The following SMARCAD1 variants were observed in gnomAD, a reference collection of about 807,000 sequenced individuals.
SMARCAD1 encodes the protein SWI/SNF-related matrix-associated actin-dependent regulator of chromatin subfamily A containing DEAD/H box 1.
A neutral mutation model predicts 127.1 loss-of-function variants in SMARCAD1; 25 were observed. The ratio of observed to expected loss-of-function variants is 0.20; its 90% CI spans 0.14 to 0.27. SMARCAD1 has a LOEUF of 0.27. Among genes scored for constraint, SMARCAD1 ranks in the 10% least tolerant of loss-of-function variants. SMARCAD1 has a pLI of 1.00. For missense variants in SMARCAD1, 807 were observed against 1,206.0 expected, an observed-to-expected ratio of 0.67 and a Z score of 4.90; for synonymous variants, 400 against 396.9, an observed-to-expected ratio of 1.01 and a Z score of -0.09.
At chr4:94,248,800 G>A (rs909428186) in intron 6 of SMARCAD1, among the ~76,000 whole-genome samples, 1 of 152,268 alleles carries the variant, frequency 6.6e-6, no homozygotes. Flanking sequence ...TTGTGCAGAG[G>A]AGGTATCAGA....
At chr4:94,275,242 C>T (rs1344253598) in intron 14 of SMARCAD1, among the ~76,000 whole-genome samples, 2 of 151,942 alleles carry the variant, frequency 1.3e-5, no homozygotes, top group Admixed American at 6.6e-5. Context: ...CTCAGTTAAG[C>T]TTAAAGTAAA....
intron 2 of SMARCAD1, among the ~76,000 whole-genome samples, chr4:94,213,457 A>G (rs1215128813): frequency 6.6e-6 from 1 of 152,050 alleles, no homozygotes; most frequent in Non-Finnish European, 1.5e-5. Context: ...TATAGATGAA[A>G]CTGAAAAGAT....
chr4:94,278,755 T>C (rs1753630749), intron 18 of SMARCAD1, 22 bp downstream of exon 18: 1 of 1,609,428 alleles, frequency 6.2e-7, no homozygotes, highest in Non-Finnish European at 8.5e-7. Flanking sequence ...TTTTTACTCT[T>C]TTATGTGAAA....
Position 94,283,320 on chromosome 4 carries a change from G to T in SMARCAD1, c.2909+17G>T. ...CCAGACTAAGTAAGTGTTTTTAGTT[G>T]GAATGTATTTTTAATTCAGTGCCAC... On this transcript the variant is annotated intron_variant, in intron 22 of 23. Coordinates refer to ENST00000354268, the MANE Select transcript of SMARCAD1 (RefSeq NM_020159.5). 2 of 1,607,718 alleles carry T rather than the reference G, an allele frequency of 1.2e-6. No individual in the cohort carries two copies. Among genetic ancestry groups the T allele is most frequent in the Non-Finnish European group, 1.7e-6 (2 of 1,176,324 alleles).
intron 3 of SMARCAD1, among the ~76,000 whole-genome samples, chr4:94,228,758 C>T (rs187159138): frequency 6.6e-6 from 1 of 151,990 alleles, no homozygotes; most frequent in East Asian, 1.9e-4. Flanking sequence ...GTCCCTGGAC[C>T]ATATTTTCAG....
intron 9 of SMARCAD1, among the ~76,000 whole-genome samples, chr4:94,257,708 C>T (rs1245140983): frequency 6.6e-6 from 1 of 152,170 alleles, no homozygotes; most frequent in African/African-American, 2.4e-5. Flanking sequence ...TATATCCACC[C>T]TTTTCCCCAG....
chr4:94,210,946 AAAAAG>A (rs1158046486), intron 2 of SMARCAD1, among the ~76,000 whole-genome samples: 3 of 150,558 alleles, frequency 2.0e-5, no homozygotes, highest in African/African-American at 7.3e-5. Flanking sequence ...AAAAAAAAAA[AAAAAG>A]GTAAATGTCT....
At chr4:94,234,744 T>C (rs975028618) in intron 4 of SMARCAD1, among the ~76,000 whole-genome samples, 1 of 152,148 alleles carries the variant, frequency 6.6e-6, no homozygotes, top group Non-Finnish European at 1.5e-5. Flanking sequence ...TTAGTTGAAT[T>C]ATCTTAGGGG....
At chr4:94,273,860 T>C in intron 12 of SMARCAD1, 144 bp downstream of exon 12, 1 of 670,410 alleles carries the variant, frequency 1.5e-6, no homozygotes, top group Admixed American at 2.7e-5. Flanking sequence ...CTCTTTATAC[T>C]TTTCTCCTTT....
chr4:94,278,301 A>C (rs1753578704), intron 16 of SMARCAD1, 121 bp from the exon 17 acceptor site: 1 of 855,180 alleles, frequency 1.2e-6, no homozygotes, highest in African/African-American at 1.7e-5. Flanking sequence ...AGAATGAATC[A>C]AGTTTCTGCA....
chr4:94,227,213 G>T (rs1188221175), intron 3 of SMARCAD1, among the ~76,000 whole-genome samples: 1 of 152,072 alleles, frequency 6.6e-6, no homozygotes, highest in Non-Finnish European at 1.5e-5. Flanking sequence ...AAGTGGGAGG[G>T]ACATGATGCG....
chr4:94,252,835 T>G lies in SMARCAD1; in HGVS notation c.1109T>G (p.Leu370Arg), dbSNP rs1244303218. ...TCAGGTTCTGATGTCGGTAGTTCAC[T>G]AGATGAGGACTATAGTAGTGGTGAA... ...YDSGSDVGSS[L>R]DEDYSSGEEV... The change falls in exon 9 of 24, where the codon CTA becomes CGA. Residue 370 changes from leucine to arginine, a missense_variant. Physicochemically the swap from Leu to Arg is moderately radical, Grantham distance 102. Around this residue, in one of 8 missense-constraint regions of SMARCAD1, gnomAD observed 257 missense variants for 303.4 expected, o/e 0.85. Transcript: ENST00000354268. 6.2e-7 allele frequency: 1 copy of G among 1,613,980 alleles called. No homozygotes were observed. The highest frequency in any genetic ancestry group is 8.5e-7 in the Non-Finnish European group (1 of 1,179,978).
At position 94,275,798 on chromosome 4, in the gene SMARCAD1, T is replaced by TTTATTTTATTTTATTTTA. The variant is rs373829337; in HGVS notation, c.1809-539_1809-538insATTTTATTTTATTTTATT. Among the ~76,000 whole-genome samples the TTTATTTTATTTTATTTTA allele has an allele frequency of 1.6e-3, 120 of 74,118 alleles. 2 individuals carry two copies. Among genetic ancestry groups the TTTATTTTATTTTATTTTA allele is most frequent in the Admixed American group, 5.8e-3 (41 of 7,100 alleles). 48.6% of individuals were successfully genotyped at this position (74,118 alleles called of 152,430 possible). A position where few individuals can be genotyped will look rare whatever the true frequency, so the allele number is the denominator to read the frequency against. On this transcript the variant is annotated intron_variant, in intron 14 of 23. Coordinates refer to ENST00000354268, the MANE Select transcript of SMARCAD1 (RefSeq NM_020159.5). ...TCCGATTGTAACATTAACATTTTCT[T>TTTATTTTATTTTATTTTA]TTTTTTTTTTTTTTTTGAGACGGAG...
intron 21 of SMARCAD1, among the ~76,000 whole-genome samples, chr4:94,282,104 T>TTTG: frequency 2.5e-5 from 1 of 40,658 alleles, no homozygotes; most frequent in African/African-American, 1.1e-4. Context: ...TTTTTTGTTT[T>TTTG]TTTTTTTTTT....
intron 6 of SMARCAD1, chr4:94,248,353 A>G (rs191217031): frequency 7.7e-6 from 3 of 389,116 alleles, no homozygotes; most frequent in East Asian, 7.3e-5. Context: ...ACAAATGAAC[A>G]ACTGAAGTTT....
chr4:94,283,392 T>A, intron 22 of SMARCAD1, 89 bp downstream of exon 22: 5 of 1,379,880 alleles, frequency 3.6e-6, no homozygotes, highest in Non-Finnish European at 5.1e-6. Context: ...TGTCCTGCCT[T>A]AGTTTTTGTT....
At chr4:94,245,142 A>G (rs1245087387) in intron 6 of SMARCAD1, among the ~76,000 whole-genome samples, 7 of 152,246 alleles carry the variant, frequency 4.6e-5, no homozygotes, top group Admixed American at 4.6e-4. Context: ...GTTTAAAACA[A>G]GCTATATTGA....
In SMARCAD1 at chr4:94,273,612, T is replaced by C. The variant is rs1416119641; in HGVS notation, c.1573-5T>C. Reference sequence around the variant, plus strand: ...ATGTTATATATTGTCTTTTAAACTTTTTAGGGCCTAGGAAAAACTATTCAA... The same window carrying C: ...ATGTTATATATTGTCTTTTAAACTTCTTAGGGCCTAGGAAAAACTATTCAA... On this transcript the variant is annotated splice_region_variant and splice_polypyrimidine_tract_variant and intron_variant, in intron 11 of 23. Transcript: ENST00000354268. 6.2e-7 allele frequency: 1 copy of C among 1,611,060 alleles called. No individual in the cohort carries two copies. Among genetic ancestry groups the C allele is most frequent in the Admixed American group, 1.7e-5 (1 of 59,962 alleles).
intron 4 of SMARCAD1, 138 bp downstream of exon 4, chr4:94,234,260 A>C (rs1196654441): frequency 6.4e-6 from 5 of 783,980 alleles, no homozygotes; most frequent in Non-Finnish European, 8.1e-6. Context: ...AAAGGAAGTA[A>C]ATGCCAGACA....
Sources: gnomAD v4.1 joint callset for allele counts (sites outside exome capture counted in the v4.1 genomes callset) on GRCh38, gnomAD v4.1.1 for gene constraint, gnomAD v4.1.1 regional missense constraint, MANE v1.5 for transcripts, NCBI Gene and HGNC (gene_info 2026-07-23, HGNC 2026-07-21) for gene names.